Variants in SOX5 observed in about 807,000 individuals in gnomAD.
The protein encoded by SOX5 is transcription factor SOX-5.
A neutral mutation model predicts 92.0 loss-of-function variants in SOX5; 9 were observed. That is an observed-to-expected ratio of 0.10 (90% CI 0.06 to 0.17). The LOEUF is 0.17. SOX5 is among the 10% of genes least tolerant of loss of function. The pLI is 1.00. For synonymous variants in SOX5, 344 were observed against 336.3 expected, an observed-to-expected ratio of 1.02 and a Z score of -0.25; for missense variants, 642 against 944.5, an observed-to-expected ratio of 0.68 and a Z score of 4.20.
At chr12:23,604,359 C>G in intron 9 of SOX5, 28 bp downstream of exon 9, 1 of 1,612,020 alleles carries the variant, frequency 6.2e-7, no homozygotes, top group South Asian at 1.1e-5. Context: ...AGCTAAGTGG[C>G]AAGACAGTGG....
At chr12:24,496,369 T>C (rs1449137228) in intron 1 of SOX5, among the ~76,000 whole-genome samples, 1 of 152,198 alleles carries the variant, frequency 6.6e-6, no homozygotes, top group African/African-American at 2.4e-5. Context: ...AGAGAAAGTG[T>C]CATTGACTTA....
intron 4 of SOX5, among the ~76,000 whole-genome samples, chr12:24,101,908 T>C (rs10505934): frequency 0.033 from 5,065 of 152,268 alleles, 320 homozygotes; most frequent in African/African-American, 0.11. Context: ...ACTCAATATT[T>C]GAAATCATCT....
chr12:23,846,348 A>G (rs1380069119), intron 2 of SOX5, among the ~76,000 whole-genome samples, 155 bp from the exon 3 acceptor site: 3 of 152,234 alleles, frequency 2.0e-5, no homozygotes, highest in Non-Finnish European at 4.4e-5. Flanking sequence ...TTCAGCTGAA[A>G]GATTAAAAAG....
chr12:23,864,744 T>A (rs910831750), intron 2 of SOX5, among the ~76,000 whole-genome samples: 3 of 152,132 alleles, frequency 2.0e-5, no homozygotes, highest in Non-Finnish European at 4.4e-5. Flanking sequence ...CTCATGAGAT[T>A]TAAGGAAAGA....
At position 24,271,174 on chromosome 12, in the gene SOX5, G is replaced by A. The variant is rs568238762; in HGVS notation, c.-77+6042C>T. ...GCTATTGCTCTCCAACCTTGTCAAC[G>A]CTTTGAACTGCTAGACGTTCTACTT... On this transcript the variant is annotated intron_variant, in intron 3 of 4. Coordinates refer to the SOX5 transcript ENST00000446891. Among the ~76,000 whole-genome samples, 129 of 152,262 alleles carry A rather than the reference G, an allele frequency of 8.5e-4. 1 individual carries two copies. The South Asian group carries it at 0.026, about 31-fold the overall frequency.
rs1228338101 is a variant in SOX5 at position 24,149,881 on chromosome 12, A to G, written c.-2+63462T>C. ...ACACACAATGACATGGATAAACCTA[A>G]ATAATTATGGTGAGTAAAACCAGAT... On this transcript the variant is annotated intron_variant, in intron 4 of 4. Coordinates refer to the SOX5 transcript ENST00000446891. Among the ~76,000 whole-genome samples, 9 of 152,292 alleles carry G rather than the reference A, an allele frequency of 5.9e-5. No homozygotes were observed. In the East Asian group the frequency reaches 1.7e-3, roughly 29 times the overall value.
chr12:23,616,566 A>G (rs1219236160), intron 8 of SOX5, among the ~76,000 whole-genome samples: 1 of 152,220 alleles, frequency 6.6e-6, no homozygotes, highest in African/African-American at 2.4e-5. Context: ...AGAGATTTAA[A>G]ATCTTTTGTA....
chr12:23,945,639 C>G (rs984352718), intron 1 of SOX5, among the ~76,000 whole-genome samples: 6 of 152,108 alleles, frequency 3.9e-5, no homozygotes, highest in African/African-American at 1.4e-4. Context: ...ATTGTCTCCT[C>G]TACAATGTAG....
chr12:23,744,115 C>T (rs1474645779), intron 4 of SOX5, among the ~76,000 whole-genome samples: 1 of 152,156 alleles, frequency 6.6e-6, no homozygotes, highest in Non-Finnish European at 1.5e-5. Context: ...TATTTCAACT[C>T]CTACTTAGCT....
chr12:23,656,721 C>T (rs2082350676), intron 7 of SOX5, among the ~76,000 whole-genome samples: 2 of 151,672 alleles, frequency 1.3e-5, no homozygotes, highest in Non-Finnish European at 2.9e-5. Flanking sequence ...TATTACAATA[C>T]ACAGGCTATT....
chr12:23,991,391 G>A (rs2136264926), intron 4 of SOX5, among the ~76,000 whole-genome samples: 1 of 151,622 alleles, frequency 6.6e-6, no homozygotes, highest in South Asian at 2.1e-4. Flanking sequence ...GTACTAGTGA[G>A]TTCTGGGGTA....
chr12:24,045,193 T>G (rs1956879801), intron 4 of SOX5, among the ~76,000 whole-genome samples: 1 of 152,190 alleles, frequency 6.6e-6, no homozygotes, highest in Admixed American at 6.5e-5. Context: ...TGACTAGCCA[T>G]GTGACCTCTG....
chr12:24,229,113 T>G (rs1962789381), intron 3 of SOX5, among the ~76,000 whole-genome samples: 1 of 152,174 alleles, frequency 6.6e-6, no homozygotes. Flanking sequence ...ACCTGACCGC[T>G]TGGGTTGTGG....
chr12:23,854,601 ATAT>A (rs1370935591), intron 2 of SOX5, among the ~76,000 whole-genome samples: 1 of 152,124 alleles, frequency 6.6e-6, no homozygotes, highest in Non-Finnish European at 1.5e-5. Flanking sequence ...TAAAAAGGAA[ATAT>A]TATTTCATTC....
chr12:24,423,977 A>C (rs1966329080), intron 1 of SOX5, among the ~76,000 whole-genome samples: 1 of 152,140 alleles, frequency 6.6e-6, no homozygotes, highest in South Asian at 2.1e-4. Flanking sequence ...ACTCCATTTC[A>C]TTTTTTTAAA....
At chr12:24,314,573 T>C (rs1215180436) in intron 2 of SOX5, among the ~76,000 whole-genome samples, 1 of 150,850 alleles carries the variant, frequency 6.6e-6, no homozygotes, top group South Asian at 2.1e-4. Context: ...AAAAAAAAAT[T>C]ATAACAGTTC....
intron 1 of SOX5, among the ~76,000 whole-genome samples, chr12:24,541,838 T>TA (rs958790034): frequency 2.0e-5 from 3 of 152,172 alleles, no homozygotes; most frequent in African/African-American, 2.4e-5. Context: ...TCCTAGGTGA[T>TA]AAAAAAATTT....
At chr12:23,575,261 G>A (rs993027029) in intron 10 of SOX5, among the ~76,000 whole-genome samples, 2 of 152,144 alleles carry the variant, frequency 1.3e-5, no homozygotes, top group African/African-American at 4.8e-5. Flanking sequence ...GTTGATTGAT[G>A]ATAGAGGCAA....
intron 4 of SOX5, among the ~76,000 whole-genome samples, chr12:24,207,588 A>G (rs550073381): frequency 4.0e-4 from 61 of 152,330 alleles, no homozygotes; most frequent in Middle Eastern, 3.4e-3. Flanking sequence ...ACCACTCAGG[A>G]GGGCCCTGGG....
Sources: allele counts gnomAD v4.1 joint callset (sites outside exome capture counted in the v4.1 genomes callset), GRCh38; gene constraint gnomAD v4.1.1; transcripts MANE v1.5; gene names NCBI Gene and HGNC (gene_info 2026-07-23, HGNC 2026-07-21).